ERBIN: variants seen among roughly 807,000 people sequenced by gnomAD.
ERBIN encodes the protein densin-180-like protein.
A neutral mutation model predicts 158.4 loss-of-function variants in ERBIN; 60 were observed. The ratio of observed to expected loss-of-function variants is 0.38; its 90% CI spans 0.31 to 0.47. The LOEUF (loss-of-function observed/expected upper bound fraction) is 0.47, where lower values mean the gene tolerates loss of function less well. Ranked by LOEUF, ERBIN falls within the 20% of genes least tolerant of loss-of-function variation. ERBIN has a pLI of 0.99. For missense variants in ERBIN, 1,610 were observed against 1,648.0 expected, an observed-to-expected ratio of 0.98 and a Z score of 0.40; for synonymous variants, 594 against 557.2, an observed-to-expected ratio of 1.07 and a Z score of -0.93.
intron 17 of ERBIN, among the ~76,000 whole-genome samples, 185 bp downstream of exon 17, chr5:66,044,495 T>G (rs1758220380): frequency 6.6e-6 from 1 of 152,198 alleles, no homozygotes; most frequent in Admixed American, 6.5e-5. Context: ...CTGGGCGTGG[T>G]GGCTCACACC....
At chr5:66,037,180 A>G (rs953483381) in intron 14 of ERBIN, among the ~76,000 whole-genome samples, 2 of 152,094 alleles carry the variant, frequency 1.3e-5, no homozygotes, top group Non-Finnish European at 2.9e-5. Flanking sequence ...TGGAAATGTC[A>G]TATGTGTTTT....
rs980815662 is a variant in ERBIN, at chr5:66,028,432, G to A, written c.1206+89G>A. ...ATTTACATAGGGTCATTTAAGAGCA[G>A]CTATACATGTGGTACACATGTAAAC... On this transcript the variant is annotated intron_variant, in intron 14 of 25. Coordinates refer to ENST00000284037, the MANE Select transcript of ERBIN (RefSeq NM_001253697.2). The A allele has an allele frequency of 1.2e-5, 11 of 954,048 alleles. No individual in the cohort carries two copies. In the African/African-American group the frequency reaches 1.7e-4, roughly 14 times the overall value. The allele number at this position is 954,048 out of a possible 1,614,324, so 59.1% of individuals were successfully genotyped here.
intron 1 of ERBIN, among the ~76,000 whole-genome samples, chr5:65,952,396 A>G (rs1204196298): frequency 1.3e-5 from 2 of 151,990 alleles, no homozygotes; most frequent in African/African-American, 4.8e-5. Flanking sequence ...CTTCCCAGGC[A>G]CAAGTTCAGT....
chr5:65,994,352 T>C (rs1752194286), intron 3 of ERBIN, among the ~76,000 whole-genome samples: 1 of 152,194 alleles, frequency 6.6e-6, no homozygotes, highest in African/African-American at 2.4e-5. Flanking sequence ...GAATCATTTA[T>C]GTCTTATCAC....
At chr5:65,969,178 G>GTTTTATT (rs1274406487) in intron 1 of ERBIN, among the ~76,000 whole-genome samples, 3 of 152,004 alleles carry the variant, frequency 2.0e-5, no homozygotes, top group Non-Finnish European at 4.4e-5. Context: ...AGCAAGCCAT[G>GTTTTATT]GTCACCCCAC....
chr5:65,943,213 T>C (rs1019433987), intron 1 of ERBIN, among the ~76,000 whole-genome samples: 1 of 152,162 alleles, frequency 6.6e-6, no homozygotes, highest in Non-Finnish European at 1.5e-5. Flanking sequence ...AGTTATAGCT[T>C]ATGGATGAGC....
intron 1 of ERBIN, among the ~76,000 whole-genome samples, chr5:65,976,921 T>C (rs1390619700): frequency 6.6e-6 from 1 of 151,994 alleles, no homozygotes; most frequent in African/African-American, 2.4e-5. Flanking sequence ...TACCTCTTTC[T>C]ACACAGACAC....
intron 1 of ERBIN, among the ~76,000 whole-genome samples, chr5:65,963,637 A>C (rs1748178970): frequency 6.6e-6 from 1 of 152,138 alleles, no homozygotes; most frequent in Admixed American, 6.6e-5. Flanking sequence ...ACTACTTTAC[A>C]TGAAATTCTT....
At chr5:65,941,407 A>G (rs1050812981) in intron 1 of ERBIN, among the ~76,000 whole-genome samples, 3 of 151,936 alleles carry the variant, frequency 2.0e-5, no homozygotes, top group Non-Finnish European at 4.4e-5. Context: ...TAAGTAATTT[A>G]GAGATGATTT....
intron 21 of ERBIN, among the ~76,000 whole-genome samples, chr5:66,057,960 G>C (rs1473609496): frequency 6.6e-6 from 1 of 151,676 alleles, no homozygotes; most frequent in Non-Finnish European, 1.5e-5. Context: ...TTGGTTCCAA[G>C]TCTTTGCTAT....
chr5:66,020,911 G>A (rs2151137643), intron 7 of ERBIN, among the ~76,000 whole-genome samples: 1 of 151,996 alleles, frequency 6.6e-6, no homozygotes, highest in Middle Eastern at 3.5e-3. Context: ...TTATCTTAAA[G>A]TCTTACAAAT....
chr5:66,034,126 A>AC (rs1305578084), intron 14 of ERBIN, among the ~76,000 whole-genome samples: 53 of 151,642 alleles, frequency 3.5e-4, no homozygotes, highest in Non-Finnish European at 6.9e-4. Context: ...AAAAAAAAAA[A>AC]AAAAGAATAT....
intron 8 of ERBIN, 101 bp downstream of exon 8, chr5:66,021,486 C>CT (rs1208843357): frequency 2.4e-5 from 21 of 871,724 alleles, no homozygotes; most frequent in African/African-American, 7.1e-5. Context: ...TAAAGGTTTA[C>CT]TTTTTTTTCT....
chr5:65,946,039 C>T (rs895492852), intron 1 of ERBIN, among the ~76,000 whole-genome samples: 3 of 151,794 alleles, frequency 2.0e-5, no homozygotes, highest in Non-Finnish European at 4.4e-5. Context: ...TTCCCTTTAC[C>T]CCCTGCATTT....
chr5:66,055,195 G>C lies in ERBIN; in HGVS notation c.3633+244G>C, dbSNP rs1048021581. On this transcript the variant is annotated intron_variant, in intron 21 of 25. Transcript: ENST00000284037. ...AAATGTATTAATTTTATATGTTTATGTGTCTGTCTCTTTGAGATTGTGCAC... is the reference window on the plus strand; with the variant it reads ...AAATGTATTAATTTTATATGTTTATCTGTCTGTCTCTTTGAGATTGTGCAC... 8 of 930,302 alleles carry C rather than the reference G, an allele frequency of 8.6e-6. No homozygotes were observed. The African/African-American group carries it at 1.2e-4, about 14-fold the overall frequency. 57.6% of individuals were successfully genotyped at this position (930,302 alleles called of 1,614,324 possible). A position where few individuals can be genotyped will look rare whatever the true frequency, so the allele number is the denominator to read the frequency against.
At chr5:66,076,542 C>A in intron 24 of ERBIN, 134 bp downstream of exon 24, 1 of 726,508 alleles carries the variant, frequency 1.4e-6, no homozygotes, top group Non-Finnish European at 2.3e-6. Flanking sequence ...CACTCTATTG[C>A]TTACCTTTTT....
chr5:65,937,236 A>C (rs1744195307), intron 1 of ERBIN, among the ~76,000 whole-genome samples: 1 of 152,130 alleles, frequency 6.6e-6, no homozygotes, highest in African/African-American at 2.4e-5. Context: ...CAGTCTCTTT[A>C]TGCCTTTTGG....
chr5:65,928,631 GAA>G (rs750788554), intron 1 of ERBIN, among the ~76,000 whole-genome samples: 7 of 152,132 alleles, frequency 4.6e-5, no homozygotes, highest in Non-Finnish European at 7.4e-5. Context: ...TTTCTCAGGA[GAA>G]GAGTAGTATG....
At chr5:66,017,165 A>G (rs1754841726) in intron 7 of ERBIN, among the ~76,000 whole-genome samples, 1 of 152,066 alleles carries the variant, frequency 6.6e-6, no homozygotes, top group African/African-American at 2.4e-5. Context: ...AGGAGTTCAG[A>G]TAACCCTTCA....
Sources: allele counts gnomAD v4.1 joint callset (sites outside exome capture counted in the v4.1 genomes callset), GRCh38; gene constraint gnomAD v4.1.1; transcripts MANE v1.5; gene names NCBI Gene and HGNC (gene_info 2026-07-23, HGNC 2026-07-21).